The following OR8G1 variants were observed in gnomAD, a reference collection of about 807,000 sequenced individuals.
OR8G1 encodes the protein olfactory receptor family 8 subfamily G member 1.
For synonymous variants in OR8G1, 129 were observed against 133.3 expected, an observed-to-expected ratio of 0.97 and a Z score of 0.22; for missense variants, 372 against 356.2, an observed-to-expected ratio of 1.04 and a Z score of -0.36.
rs924170134 is a variant in OR8G1 at position 124,251,679 on chromosome 11, T to C, written c.*1068T>C. On this transcript the variant is annotated 3_prime_UTR_variant, in exon 3 of 3. Coordinates refer to ENST00000641972, the MANE Select transcript of OR8G1 (RefSeq NM_001002905.2). ...TGTGGCACAGGAAGGTTAAAAAATA[T>C]GTTTGATGCCTGATGGGTAAACATA... The C allele has an allele frequency of 2.0e-5, 4 of 200,160 alleles. No individual in the cohort carries two copies. Among genetic ancestry groups the C allele is most frequent in the Admixed American group, 5.6e-5 (1 of 17,878 alleles). The allele number at this position is 200,160 out of a possible 1,614,324, so 12.4% of individuals were successfully genotyped here.
At position 124,252,450 on chromosome 11, in the gene OR8G1, C is replaced by T. The variant is rs1465437490; in HGVS notation, c.*1839C>T. 3 of 152,168 alleles carry T rather than the reference C, an allele frequency of 2.0e-5. No individual in the cohort carries two copies. The highest frequency in any genetic ancestry group is 4.4e-5 in the Non-Finnish European group (3 of 68,040). The allele number at this position is 152,168 out of a possible 1,614,324, so 9.4% of individuals were successfully genotyped here. A position where few individuals can be genotyped will look rare whatever the true frequency, so the allele number is the denominator to read the frequency against. ...AAACTCATCTCTGAAACTCAATCTG[C>T]ATTACTTTTCCATATCATCCTTATG... is the stretch of plus-strand genomic sequence containing the variant. On this transcript the variant is annotated 3_prime_UTR_variant, in exon 3 of 3. Transcript: ENST00000641972.
Position 124,244,819 on chromosome 11 carries a change from T to C in OR8G1, c.-96-2982T>C, listed in dbSNP as rs1308021572. Among the ~76,000 whole-genome samples the C allele has an allele frequency of 2.6e-5, 4 of 151,914 alleles. No homozygotes were observed. The East Asian group carries it at 7.7e-4, about 29-fold the overall frequency. The stretch of plus-strand genomic sequence containing the variant: ...ATTTTTTTCATAAATCTAAAGAGAT[T>C]ACCAGAAGTAGCCAATGATCCCTTC... On this transcript the variant is annotated intron_variant, in intron 1 of 2. Transcript: ENST00000641972.
At chr11:124,243,967 A>AACGAGGAAAGG (rs1861785234) in intron 1 of OR8G1, among the ~76,000 whole-genome samples, 8 of 151,776 alleles carry the variant, frequency 5.3e-5, no homozygotes, top group African/African-American at 1.9e-4. Flanking sequence ...CTAGAGAGAG[A>AACGAGGAAAGG]ATGAGGAAAG....
intron 1 of OR8G1, among the ~76,000 whole-genome samples, chr11:124,245,450 T>C (rs1861802502): frequency 6.7e-6 from 1 of 149,774 alleles, no homozygotes; most frequent in African/African-American, 2.5e-5. Flanking sequence ...GTCTTTGCTA[T>C]TGTGAATAGT....
At position 124,252,206 on chromosome 11, in the gene OR8G1, C is replaced by T. The variant is rs551778357; in HGVS notation, c.*1595C>T. The T allele has an allele frequency of 6.6e-6, 1 of 152,206 alleles. No homozygotes were observed. The highest frequency in any genetic ancestry group is 2.1e-4 in the South Asian group (1 of 4,822). 9.4% of individuals were successfully genotyped at this position (152,206 alleles called of 1,614,324 possible). A position where few individuals can be genotyped will look rare whatever the true frequency, so the allele number is the denominator to read the frequency against. ...CTTCTTGCCTGAGAAAATTCTCAATCAATCATGGACTCTATTAACCTGAGT... is the reference window on the plus strand; with the variant it reads ...CTTCTTGCCTGAGAAAATTCTCAATTAATCATGGACTCTATTAACCTGAGT... On this transcript the variant is annotated 3_prime_UTR_variant, in exon 3 of 3. Transcript: ENST00000641972.
In OR8G1 at chr11:124,249,712, A is replaced by G. The variant is rs1454550128; in HGVS notation, c.37A>G (p.Ile13Val). Reference sequence around the variant, plus strand: ...AAATAATTCCTCAGTGACTGAGTTCATTCTGGCTGGGCTCTCAGAACAGCC... The same window carrying G: ...AAATAATTCCTCAGTGACTGAGTTCGTTCTGGCTGGGCTCTCAGAACAGCC... ...GENNSSVTEFILAGLSEQPEL... is the reference protein window; with the variant it reads ...GENNSSVTEFVLAGLSEQPEL... The change falls in exon 3 of 3, where the codon ATT becomes GTT. Residue 13 changes from isoleucine (I) to valine (V), a missense_variant. Physicochemically the swap from Ile to Val is conservative, Grantham distance 29. Coordinates refer to ENST00000641972, the MANE Select transcript of OR8G1 (RefSeq NM_001002905.2). The G allele has an allele frequency of 1.9e-6, 3 of 1,613,394 alleles. No homozygotes were observed. The highest frequency in any genetic ancestry group is 1.1e-5 in the South Asian group (1 of 91,068).
rs745618417 is a variant in OR8G1, at chr11:124,250,315, A to G, written c.640A>G (p.Ile214Val). The part of the protein sequence containing the change: ...AFNILVPSLT[I>V]LCSYIFIIAS... ...TAACATCCTTGTCCCCAGCCTGACC[A>G]TCCTTTGCTCTTACATCTTTATTAT... The change falls in exon 3 of 3, where the codon ATC becomes GTC. Residue 214 changes from isoleucine to valine, a missense_variant. Coordinates refer to ENST00000641972, the MANE Select transcript of OR8G1 (RefSeq NM_001002905.2). 9.9e-6 allele frequency: 16 copies of G among 1,613,626 alleles called. No individual in the cohort carries two copies. Among genetic ancestry groups the G allele is most frequent in the Non-Finnish European group, 1.4e-5 (16 of 1,179,794 alleles).
Position 124,249,982 on chromosome 11 carries a change from T to G in OR8G1, c.307T>G (p.Phe103Val), listed in dbSNP as rs766311999. 6.2e-7 allele frequency: 1 copy of G among 1,613,882 alleles called. No individual in the cohort carries two copies. ...CCCTGAATGCATGACTCAGCTCTAC[T>G]TCTTCCTCGTTTTTGCTATTGCAGA... Reference protein sequence around the residue: ...SYPECMTQLYFFLVFAIAECH... With the variant: ...SYPECMTQLYVFLVFAIAECH... Residue 103 changes from phenylalanine to valine, a missense_variant, in exon 3 of 3, where the codon TTC becomes GTC. Coordinates refer to ENST00000641972, the MANE Select transcript of OR8G1 (RefSeq NM_001002905.2).
In OR8G1 at chr11:124,247,796, T is replaced by A. The variant is rs1182727622; in HGVS notation, c.-96-5T>A. On this transcript the variant is annotated splice_region_variant and splice_polypyrimidine_tract_variant and intron_variant, in intron 1 of 2. Transcript: ENST00000641972. ...ATCTGTTGATAATGTTTTGGTTTTT[T>A]CCAGTTTGGGGCTCTTATGAATAAG... The A allele has an allele frequency of 2.0e-5, 3 of 151,884 alleles. No homozygotes were observed. Among genetic ancestry groups the A allele is most frequent in the African/African-American group, 4.8e-5 (2 of 41,424 alleles). The allele number at this position is 151,884 out of a possible 1,614,324, so 9.4% of individuals were successfully genotyped here.
intron 2 of OR8G1, 38 bp from the exon 3 acceptor site, chr11:124,249,622 C>T: frequency 2.0e-6 from 3 of 1,535,150 alleles, no homozygotes; most frequent in Non-Finnish European, 2.6e-6. Flanking sequence ...CTCCCACAAC[C>T]ATGGGGTTTT....
Position 124,247,864 on chromosome 11 carries a change from G to A in OR8G1, c.-33G>A, listed in dbSNP as rs974819097. 2 of 151,764 alleles carry A rather than the reference G, an allele frequency of 1.3e-5. No individual in the cohort carries two copies. The highest frequency in any genetic ancestry group is 4.8e-5 in the African/African-American group (2 of 41,392). 9.4% of individuals were successfully genotyped at this position (151,764 alleles called of 1,614,324 possible). The stretch of plus-strand genomic sequence containing the variant: ...TGTATAAATCTTCATGTAGACAAAC[G>A]TTTACATTTTTCTTGGGTAAGTACT... On this transcript the variant is annotated 5_prime_UTR_variant, in exon 2 of 3. Coordinates refer to ENST00000641972, the MANE Select transcript of OR8G1 (RefSeq NM_001002905.2).
chr11:124,243,495 A>G (rs2512217), intron 1 of OR8G1, among the ~76,000 whole-genome samples: 77,621 of 151,808 alleles, frequency 0.51, 20,481 homozygotes, highest in South Asian at 0.7. Flanking sequence ...TATTGAAATA[A>G]TTGACACATC....
chr11:124,246,414 G>A (rs1359181636), intron 1 of OR8G1, among the ~76,000 whole-genome samples: 1 of 151,868 alleles, frequency 6.6e-6, no homozygotes, highest in Non-Finnish European at 1.5e-5. Flanking sequence ...GGAAGAGAAT[G>A]GAGAATAATG....
Position 124,254,027 on chromosome 11 carries a change from G to A in OR8G1, c.*3416G>A, listed in dbSNP as rs923423479. 2.0e-5 allele frequency: 3 copies of A among 152,070 alleles called. No individual in the cohort carries two copies. Among genetic ancestry groups the A allele is most frequent in the Non-Finnish European group, 4.4e-5 (3 of 67,992 alleles). The allele number at this position is 152,070 out of a possible 1,614,324, so 9.4% of individuals were successfully genotyped here. On this transcript the variant is annotated 3_prime_UTR_variant, in exon 3 of 3. Coordinates refer to ENST00000641972, the MANE Select transcript of OR8G1 (RefSeq NM_001002905.2). Reference sequence around the variant, plus strand: ...ATGGGAGTGCAGATATTTCTTTGACGTGCTGATTGTATTTTTTGAATATAT... The same window carrying A: ...ATGGGAGTGCAGATATTTCTTTGACATGCTGATTGTATTTTTTGAATATAT...
chr11:124,242,669 C>T (rs980680449), intron 1 of OR8G1, among the ~76,000 whole-genome samples: 2 of 152,074 alleles, frequency 1.3e-5, no homozygotes, highest in Admixed American at 6.6e-5. Context: ...ATCTGAATCT[C>T]CCCTTGCTTT....
At position 124,249,991 on chromosome 11, in the gene OR8G1, G is replaced by C. The variant is rs565049711; in HGVS notation, c.316G>C (p.Val106Leu). ...CATGACTCAGCTCTACTTCTTCCTC[G>C]TTTTTGCTATTGCAGAGTGTCACAT... ...ECMTQLYFFL[V>L]FAIAECHMLA... Residue 106 changes from valine to leucine, a missense_variant, in exon 3 of 3, where the codon GTT (valine) becomes CTT (leucine). Transcript: ENST00000641972. 2.5e-6 allele frequency: 4 copies of C among 1,613,738 alleles called. No individual in the cohort carries two copies. In the East Asian group the frequency reaches 6.7e-5, roughly 27 times the overall value.
At position 124,252,533 on chromosome 11, in the gene OR8G1, T is replaced by G. The variant is rs1188841703; in HGVS notation, c.*1922T>G. 1 of 152,144 alleles carries G rather than the reference T, an allele frequency of 6.6e-6. No homozygotes were observed. The highest frequency in any genetic ancestry group is 2.4e-5 in the African/African-American group (1 of 41,442). 9.4% of individuals were successfully genotyped at this position (152,144 alleles called of 1,614,324 possible). Reference sequence around the variant, plus strand: ...TTAGCTTGCATTGCTTGTGGTAATTTTATGATCATTTGAACGTCTACTCTG... The same window carrying G: ...TTAGCTTGCATTGCTTGTGGTAATTGTATGATCATTTGAACGTCTACTCTG... On this transcript the variant is annotated 3_prime_UTR_variant, in exon 3 of 3. Coordinates refer to ENST00000641972, the MANE Select transcript of OR8G1 (RefSeq NM_001002905.2).
intron 2 of OR8G1, 49 bp from the exon 3 acceptor site, chr11:124,249,611 C>A: frequency 6.7e-7 from 1 of 1,492,612 alleles, no homozygotes; most frequent in South Asian, 1.4e-5. Flanking sequence ...TAATAAAGTC[C>A]CTCCCACAAC....
Position 124,254,244 on chromosome 11 carries a change from G to A in OR8G1, c.*3633G>A, listed in dbSNP as rs1173940224. 1 of 152,072 alleles carries A rather than the reference G, an allele frequency of 6.6e-6. No homozygotes were observed. Among genetic ancestry groups the A allele is most frequent in the Non-Finnish European group, 1.5e-5 (1 of 67,998 alleles). 9.4% of individuals were successfully genotyped at this position (152,072 alleles called of 1,614,324 possible). ...ATAGTAACTATCCTAACAAGTATGA[G>A]GTGATATCTCACTGTAGTTTCTCTG... is the stretch of plus-strand genomic sequence containing the variant. On this transcript the variant is annotated 3_prime_UTR_variant, in exon 3 of 3. Coordinates refer to ENST00000641972, the MANE Select transcript of OR8G1 (RefSeq NM_001002905.2).
Sources: allele counts gnomAD v4.1 joint callset (sites outside exome capture counted in the v4.1 genomes callset), GRCh38; gene constraint gnomAD v4.1.1; transcripts MANE v1.5; gene names NCBI Gene and HGNC (gene_info 2026-07-23, HGNC 2026-07-21).